Variants in HDX observed in about 807,000 individuals in gnomAD.
HDX encodes the protein chromosome X open reading frame 43.
A neutral mutation model predicts 45.2 loss-of-function variants in HDX; 19 were observed. The ratio of observed to expected loss-of-function variants is 0.42; its 90% CI spans 0.29 to 0.62. HDX has a LOEUF of 0.62. Among genes scored for constraint, HDX ranks in the 20% least tolerant of loss-of-function variants. The pLI is 0.20. For synonymous variants in HDX, 188 were observed against 172.8 expected (o/e 1.09, Z -0.69); for missense variants, 532 against 493.9 (o/e 1.08, Z -0.73).
intron 5 of HDX, among the ~76,000 whole-genome samples, chrX:84,375,884 T>TA (rs1231774840): frequency 9.0e-6 from 1 of 111,492 alleles, no homozygotes; most frequent in Non-Finnish European, 1.9e-5. Flanking sequence ...CCCTAAAACT[T>TA]AAAGTATAAT....
In HDX at chrX:84,404,757, T is replaced by A. The variant is rs180765287; in HGVS notation, c.1305+35775A>T. 3.8e-3 allele frequency among the ~76,000 whole-genome samples: 420 copies of A among 111,390 alleles called. 2 individuals are homozygous for A. Among genetic ancestry groups the A allele is most frequent in the African/African-American group, 0.013 (392 of 30,749 alleles). ...TAAGTACTTGGATATGGTTGAGAAA[T>A]TTGAAAGGTGAGGTGTATGAAGTAG... On this transcript the variant is annotated intron_variant, in intron 5 of 10. Coordinates refer to ENST00000373177, the MANE Select transcript of HDX (RefSeq NM_001177479.2).
At chrX:84,359,502 G>A (rs1389355044) in intron 6 of HDX, among the ~76,000 whole-genome samples, 1 of 111,065 alleles carries the variant, frequency 9.0e-6, no homozygotes, top group Admixed American at 9.6e-5. Flanking sequence ...TTCATCCATG[G>A]CCCTGCAAAG....
chrX:84,324,021 A>G (rs1401066852), intron 10 of HDX, among the ~76,000 whole-genome samples: 2 of 112,478 alleles, frequency 1.8e-5, no homozygotes, highest in Admixed American at 1.9e-4. Context: ...GGCTAGGAAC[A>G]CGCAGTGAAT....
chrX:84,350,336 C>T (rs1021120621), intron 6 of HDX, among the ~76,000 whole-genome samples: 19 of 111,267 alleles, frequency 1.7e-4, no homozygotes, highest in African/African-American at 5.2e-4. Context: ...TAGTCAATTA[C>T]ACCCTATGGA....
intron 4 of HDX, among the ~76,000 whole-genome samples, chrX:84,450,824 T>A (rs184009942): frequency 1.4e-3 from 155 of 112,256 alleles, no homozygotes; most frequent in African/African-American, 4.8e-3. Context: ...ACCACTTTTT[T>A]AAATTACAAC....
rs191191707 is a variant in HDX at position 84,494,699 on chromosome X, C to A, written c.-109-6567G>T. On this transcript the variant is annotated intron_variant, in intron 1 of 10. Transcript: ENST00000373177. The stretch of plus-strand genomic sequence containing the variant: ...AAAATGTGAAAGCATAAATTTATCC[C>A]CATTGAGAAAAGGAAACTCTTGTAC... Among the ~76,000 whole-genome samples the A allele has an allele frequency of 8.1e-5, 9 of 111,500 alleles. No homozygotes were observed. The East Asian group carries it at 2.5e-3, about 31-fold the overall frequency.
chrX:84,339,472 G>A (rs2037037056), intron 7 of HDX, among the ~76,000 whole-genome samples: 1 of 111,200 alleles, frequency 9.0e-6, no homozygotes, highest in South Asian at 3.7e-4. Flanking sequence ...AACATATTTT[G>A]TACATGGTTT....
chrX:84,427,424 C>T (rs1368249316), intron 5 of HDX, among the ~76,000 whole-genome samples: 2 of 111,248 alleles, frequency 1.8e-5, no homozygotes, highest in African/African-American at 3.2e-5. Context: ...ATAAACATCA[C>T]GCCCCAATGT....
chrX:84,362,492 T>C (rs1014319312), intron 5 of HDX, among the ~76,000 whole-genome samples: 16 of 110,133 alleles, frequency 1.5e-4, no homozygotes, highest in African/African-American at 5.3e-4. Context: ...GGTGGAAAAA[T>C]CTAAACACAG....
At chrX:84,407,019 T>C (rs780210195) in intron 5 of HDX, among the ~76,000 whole-genome samples, 1 of 111,816 alleles carries the variant, frequency 8.9e-6, no homozygotes, top group Admixed American at 9.5e-5. Flanking sequence ...AACTAAATAT[T>C]TCTAAATTGT....
intron 7 of HDX, among the ~76,000 whole-genome samples, chrX:84,343,748 G>A (rs2037138127): frequency 9.0e-6 from 1 of 111,030 alleles, no homozygotes; most frequent in Non-Finnish European, 1.9e-5. Context: ...ATTTTTTAGA[G>A]AAAAATTAAG....
chrX:84,342,187 G>T (rs1334821061), intron 7 of HDX, among the ~76,000 whole-genome samples: 1 of 111,386 alleles, frequency 9.0e-6, no homozygotes, highest in African/African-American at 3.3e-5. Context: ...GCTCTACATG[G>T]ATGTCCAACC....
chrX:84,387,499 A>C (rs1240141920), intron 5 of HDX, among the ~76,000 whole-genome samples: 1 of 111,735 alleles, frequency 8.9e-6, no homozygotes, highest in Non-Finnish European at 1.9e-5. Context: ...TATATATGTG[A>C]GTACTCCAAT....
At position 84,320,357 on chromosome X, in the gene HDX, CA is replaced by C. The variant is rs1302493955; in HGVS notation, c.*1531del. On this transcript the variant is annotated 3_prime_UTR_variant, in exon 11 of 11. Coordinates refer to ENST00000373177, the MANE Select transcript of HDX (RefSeq NM_001177479.2). Reference sequence around the variant, plus strand: ...GGCAGCAATATAAACAAATAAGTGACAAAATGAAAGACTATCAGTGGGAGCT... The same window carrying C: ...GGCAGCAATATAAACAAATAAGTGACAAATGAAAGACTATCAGTGGGAGCT... The C allele has an allele frequency of 2.7e-5, 3 of 110,660 alleles. No individual in the cohort carries two copies. Among genetic ancestry groups the C allele is most frequent in the Non-Finnish European group, 5.7e-5 (3 of 52,404 alleles). 9.1% of individuals were successfully genotyped at this position (110,660 alleles called of 1,213,427 possible).
chrX:84,446,598 T>TA (rs777766604), intron 4 of HDX, among the ~76,000 whole-genome samples: 285 of 107,188 alleles, frequency 2.7e-3, no homozygotes, highest in Non-Finnish European at 4.4e-3. Flanking sequence ...ATTCTGTAAT[T>TA]AAAAAAAAAA....
At chrX:84,341,364 T>G (rs760901047) in intron 7 of HDX, among the ~76,000 whole-genome samples, 20 of 111,600 alleles carry the variant, frequency 1.8e-4, no homozygotes, top group Non-Finnish European at 3.6e-4. Flanking sequence ...TTTTAAAATC[T>G]GCCTCACTAT....
chrX:84,443,840 T>A (rs1267453204), intron 4 of HDX, among the ~76,000 whole-genome samples: 2 of 112,029 alleles, frequency 1.8e-5, no homozygotes, highest in Non-Finnish European at 3.8e-5. Flanking sequence ...TAAGTATATA[T>A]AACTTTCCAG....
chrX:84,430,451 G>T (rs750103507), intron 5 of HDX, among the ~76,000 whole-genome samples: 2 of 110,634 alleles, frequency 1.8e-5, no homozygotes, highest in South Asian at 7.5e-4. Flanking sequence ...CCATATCTTG[G>T]CTATTGTGAA....
intron 5 of HDX, among the ~76,000 whole-genome samples, chrX:84,399,255 C>T (rs934129448): frequency 9.2e-6 from 1 of 108,279 alleles, no homozygotes; most frequent in South Asian, 4.1e-4. Context: ...CAAACCCCCC[C>T]CCAAAAAAAC....
Sources: allele counts gnomAD v4.1 joint callset (sites outside exome capture counted in the v4.1 genomes callset), GRCh38; gene constraint gnomAD v4.1.1; transcripts MANE v1.5; gene names NCBI Gene and HGNC (gene_info 2026-07-23, HGNC 2026-07-21).